The following SUGCT variants were observed in gnomAD, a reference collection of about 807,000 sequenced individuals.
The protein encoded by SUGCT is succinyl-CoA:glutarate-CoA transferase.
SUGCT carries 41 observed loss-of-function variants against 55.0 expected under a neutral mutation model. That is an observed-to-expected ratio of 0.74 (90% CI 0.58 to 0.97). SUGCT has a LOEUF of 0.97. Among genes scored for constraint, SUGCT ranks in the 50% least tolerant of loss-of-function variants. SUGCT has a pLI of 0.00. For missense variants in SUGCT, 568 were observed against 547.8 expected (o/e 1.04, Z -0.37); for synonymous variants, 187 against 200.4 (o/e 0.93, Z 0.56).
At chr7:40,608,491 A>G (rs1380949205) in intron 12 of SUGCT, among the ~76,000 whole-genome samples, 1 of 152,180 alleles carries the variant, frequency 6.6e-6, no homozygotes, top group African/African-American at 2.4e-5. Context: ...GTTACATTTC[A>G]TGAACAAACC....
intron 12 of SUGCT, among the ~76,000 whole-genome samples, chr7:40,498,355 A>C (rs1792099964): frequency 6.6e-6 from 1 of 152,214 alleles, no homozygotes; most frequent in Non-Finnish European, 1.5e-5. Flanking sequence ...TGTACCTGCT[A>C]TTTAAGTCCA....
chr7:40,665,851 T>C (rs1416916537), intron 12 of SUGCT, among the ~76,000 whole-genome samples: 2 of 152,150 alleles, frequency 1.3e-5, no homozygotes, highest in Non-Finnish European at 2.9e-5. Flanking sequence ...TTTTATTTTT[T>C]AATAGGTGTG....
At chr7:40,730,456 T>C (rs1451511740) in intron 12 of SUGCT, among the ~76,000 whole-genome samples, 1 of 152,234 alleles carries the variant, frequency 6.6e-6, no homozygotes, top group Non-Finnish European at 1.5e-5. Context: ...TTCTCACATA[T>C]GCTGTGATAT....
chr7:40,666,286 G>A (rs1801623990), intron 12 of SUGCT, among the ~76,000 whole-genome samples: 1 of 151,364 alleles, frequency 6.6e-6, no homozygotes, highest in African/African-American at 2.4e-5. Context: ...GGAGGCGGAG[G>A]TTGCAGTGAG....
intron 9 of SUGCT, among the ~76,000 whole-genome samples, chr7:40,438,459 A>G (rs867476763): frequency 1.1e-4 from 16 of 152,142 alleles, no homozygotes; most frequent in African/African-American, 3.1e-4. Flanking sequence ...CGATGAGCGT[A>G]TGATGAAAAT....
chr7:41,035,734 C>A, the SUGCT span, among the ~76,000 whole-genome samples: 1 of 152,190 alleles, frequency 6.6e-6, no homozygotes, highest in Admixed American at 6.5e-5. Context: ...AGGTGGTGTG[C>A]TGATATATCA....
intron 12 of SUGCT, among the ~76,000 whole-genome samples, chr7:40,709,691 G>A (rs1427347326): frequency 6.6e-6 from 1 of 152,176 alleles, no homozygotes; most frequent in Non-Finnish European, 1.5e-5. Context: ...GGCTGGTCAG[G>A]AAGATCTGAA....
chr7:40,189,015 TC>T (rs146906634), intron 4 of SUGCT, among the ~76,000 whole-genome samples: 3,787 of 152,256 alleles, frequency 0.025, 64 homozygotes, highest in Middle Eastern at 0.061. Context: ...AAGAGGATGA[TC>T]TATGATATGA....
At chr7:40,383,902 G>A (rs1182641305) in intron 9 of SUGCT, among the ~76,000 whole-genome samples, 2 of 152,098 alleles carry the variant, frequency 1.3e-5, no homozygotes, top group Non-Finnish European at 2.9e-5. Flanking sequence ...TCTGTAATAT[G>A]CTTCCCCCTG....
intron 12 of SUGCT, among the ~76,000 whole-genome samples, chr7:40,694,513 A>G (rs957311377): frequency 2.0e-5 from 3 of 152,224 alleles, no homozygotes; most frequent in Admixed American, 6.5e-5. Flanking sequence ...TTTGCAGCAG[A>G]AATTTTTATT....
chr7:40,677,481 T>A (rs761728080), intron 12 of SUGCT, among the ~76,000 whole-genome samples: 1 of 152,202 alleles, frequency 6.6e-6, no homozygotes, highest in Non-Finnish European at 1.5e-5. Context: ...CTCATGCATG[T>A]CACATCCCTG....
the SUGCT span, among the ~76,000 whole-genome samples, chr7:40,971,895 G>T: frequency 6.6e-6 from 1 of 151,834 alleles, no homozygotes. Context: ...TTTTTAGCAG[G>T]TCTTTGTCAA....
chr7:40,215,505 A>G (rs1287069848), intron 6 of SUGCT, among the ~76,000 whole-genome samples: 1 of 152,116 alleles, frequency 6.6e-6, no homozygotes, highest in Non-Finnish European at 1.5e-5. Context: ...CTAGCAAACA[A>G]TGGCTAGTGA....
chr7:40,360,991 A>G (rs1008845332), intron 9 of SUGCT, among the ~76,000 whole-genome samples: 21 of 152,186 alleles, frequency 1.4e-4, no homozygotes, highest in African/African-American at 4.8e-4. Context: ...TTAAGGAGTT[A>G]TAATTGATAT....
At chr7:40,613,673 C>G (rs1215689193) in intron 12 of SUGCT, among the ~76,000 whole-genome samples, 1 of 151,710 alleles carries the variant, frequency 6.6e-6, no homozygotes, top group East Asian at 1.9e-4. Context: ...TGCAATGGCA[C>G]AATCTCAGCT....
At chr7:40,511,595 G>A (rs1792934326) in intron 12 of SUGCT, among the ~76,000 whole-genome samples, 1 of 152,180 alleles carries the variant, frequency 6.6e-6, no homozygotes, top group Admixed American at 6.5e-5. Context: ...ATGGGAGTAT[G>A]TGAAAACTTC....
At chr7:40,262,425 C>T (rs144268567) in intron 7 of SUGCT, among the ~76,000 whole-genome samples, 1,546 of 146,224 alleles carry the variant, frequency 0.011, 19 homozygotes, top group African/African-American at 0.037. Context: ...CCGAGGTGGG[C>T]GAATCGTGAG....
At chr7:40,464,322 G>A (rs545238314) in intron 11 of SUGCT, among the ~76,000 whole-genome samples, 1 of 152,292 alleles carries the variant, frequency 6.6e-6, no homozygotes, top group South Asian at 2.1e-4. Flanking sequence ...GATTTAAGTA[G>A]AGTGTGGGAA....
rs58628576 is a variant in SUGCT, at chr7:40,858,403, CAA to C, written c.1154-1888_1154-1887del. Among the ~76,000 whole-genome samples the C allele has an allele frequency of 8.9e-3, 308 of 34,714 alleles. 1 individual carries two copies. Among genetic ancestry groups the C allele is most frequent in the African/African-American group, 0.032 (289 of 9,006 alleles). The allele number at this position is 34,714 out of a possible 152,430, so 22.8% of individuals were successfully genotyped here. ...GGGCAACAAGAGCAAAATTCCATCT[CAA>C]AAAAAAAAAAAAAAAAAAAAAAAAG... On this transcript the variant is annotated intron_variant, in intron 13 of 13. Transcript: ENST00000335693.
Sources: allele counts gnomAD v4.1 joint callset (sites outside exome capture counted in the v4.1 genomes callset), GRCh38; gene constraint gnomAD v4.1.1; transcripts MANE v1.5; gene names NCBI Gene and HGNC (gene_info 2026-07-23, HGNC 2026-07-21).